PHF21A: variants seen among roughly 807,000 people sequenced by gnomAD.
The protein encoded by PHF21A is PHD finger protein 21A, also known as BHC80a.
PHF21A carries 11 observed loss-of-function variants against 82.5 expected under a neutral mutation model. The ratio of observed to expected loss-of-function variants is 0.13; its 90% CI spans 0.08 to 0.22. The LOEUF is 0.22. Among genes scored for constraint, PHF21A ranks in the 10% least tolerant of loss-of-function variants. PHF21A has a pLI of 1.00. For synonymous variants in PHF21A, 297 were observed against 302.8 expected (o/e 0.98, Z 0.20); for missense variants, 579 against 837.8 (o/e 0.69, Z 3.81).
chr11:45,934,496 G>A (rs909736817), intron 18 of PHF21A: 15 of 393,012 alleles, frequency 3.8e-5, no homozygotes, highest in Middle Eastern at 6.3e-4. Context: ...GAGTACTAAC[G>A]CTTAAAAACA....
intron 7 of PHF21A, among the ~76,000 whole-genome samples, chr11:45,976,644 C>A (rs1289223348): frequency 6.6e-6 from 1 of 152,116 alleles, no homozygotes; most frequent in Non-Finnish European, 1.5e-5. Flanking sequence ...GAGTTTGAGA[C>A]CAGCCTGGCA....
chr11:46,018,144 G>A (rs1379162347), intron 6 of PHF21A, among the ~76,000 whole-genome samples: 1 of 151,600 alleles, frequency 6.6e-6, no homozygotes, highest in Non-Finnish European at 1.5e-5. Context: ...CAGCTACTTG[G>A]GAGGCTGAGG....
intron 6 of PHF21A, among the ~76,000 whole-genome samples, chr11:46,012,845 T>A (rs894790780): frequency 1.3e-5 from 2 of 152,216 alleles, no homozygotes; most frequent in Non-Finnish European, 2.9e-5. Context: ...CTGGGATTTC[T>A]AAGCATGTTT....
intron 6 of PHF21A, among the ~76,000 whole-genome samples, chr11:46,044,659 A>G (rs2096226327): frequency 6.6e-6 from 1 of 152,182 alleles, no homozygotes; most frequent in South Asian, 2.1e-4. Flanking sequence ...TCACTCATAA[A>G]CATTCTCATT....
In PHF21A at chr11:45,938,693, C is replaced by T. The variant is rs575803435; in HGVS notation, c.1453-381G>A. On this transcript the variant is annotated intron_variant, in intron 15 of 18. Coordinates refer to ENST00000676320, the MANE Select transcript of PHF21A (RefSeq NM_001352027.3). ...GACTAAGAAAACAGAACAATTATAA[C>T]GATATACTGTAATAAAAGATGGGAA... Among the ~76,000 whole-genome samples, 31 of 152,224 alleles carry T rather than the reference C, an allele frequency of 2.0e-4. No individual in the cohort carries two copies. In the South Asian group the frequency reaches 4.1e-3, roughly 20 times the overall value.
In PHF21A at chr11:45,933,927, C is replaced by G; in HGVS notation, c.*41G>C. On this transcript the variant is annotated 3_prime_UTR_variant, in exon 19 of 19. Transcript: ENST00000676320. ...CTAGAGTCTTCAGTGTTCTGTTCTC[C>G]TTGCCGCCGGGATCCCGTGGCTTCT... 6.7e-7 allele frequency: 1 copy of G among 1,488,354 alleles called. No individual in the cohort carries two copies. 92.2% of individuals were successfully genotyped at this position (1,488,354 alleles called of 1,614,324 possible). A position where few individuals can be genotyped will look rare whatever the true frequency, so the allele number is the denominator to read the frequency against.
intron 10 of PHF21A, among the ~76,000 whole-genome samples, chr11:45,957,416 C>T (rs1345290786): frequency 1.3e-5 from 2 of 151,952 alleles, no homozygotes; most frequent in Non-Finnish European, 2.9e-5. Context: ...TTTAGAAAGA[C>T]TAGAATCACA....
intron 7 of PHF21A, among the ~76,000 whole-genome samples, chr11:45,972,030 T>A (rs1187867318): frequency 6.6e-6 from 1 of 151,328 alleles, no homozygotes; most frequent in East Asian, 1.9e-4. Context: ...AGCCAATGAG[T>A]ATATAGTAAA....
At chr11:46,064,845 C>T (rs1663814591) in intron 6 of PHF21A, among the ~76,000 whole-genome samples, 1 of 151,792 alleles carries the variant, frequency 6.6e-6, no homozygotes, top group Non-Finnish European at 1.5e-5. Flanking sequence ...ATGGATTTAC[C>T]CTTCTAATAA....
rs753842741 is a variant in PHF21A at position 45,945,864 on chromosome 11, G to A, written c.1428C>T (p.Ser476=). Residue 476 remains serine (S), a synonymous_variant, in exon 15 of 19, where the codon TCC becomes TCT. Transcript: ENST00000676320. ...FTFPAPVQPV[S]LPSPTSTDGD... ...CGTCTGTGGAGGTGGGGCTGGGCAG[G>A]GACACAGGCTGAACAGGTGCAGGGA... is the stretch of plus-strand genomic sequence containing the variant. 5.7e-6 allele frequency: 9 copies of A among 1,592,446 alleles called. No individual in the cohort carries two copies. The highest frequency in any genetic ancestry group is 5.6e-5 in the South Asian group (5 of 88,934).
At chr11:45,972,363 T>C (rs1030290875) in intron 7 of PHF21A, among the ~76,000 whole-genome samples, 1 of 152,186 alleles carries the variant, frequency 6.6e-6, no homozygotes, top group African/African-American at 2.4e-5. Context: ...AGATCAACAT[T>C]TCAGGAACAT....
chr11:46,116,347 G>C (rs1170952795), intron 1 of PHF21A, among the ~76,000 whole-genome samples: 1 of 152,106 alleles, frequency 6.6e-6, no homozygotes, highest in Non-Finnish European at 1.5e-5. Context: ...GAAAGCTTTA[G>C]GCAGTAAGAA....
intron 1 of PHF21A, among the ~76,000 whole-genome samples, chr11:46,106,265 C>T (rs1198158279): frequency 6.6e-6 from 1 of 152,120 alleles, no homozygotes; most frequent in Non-Finnish European, 1.5e-5. Flanking sequence ...TTTCTTTATA[C>T]CAAGTTGTCA....
At chr11:46,005,392 T>C (rs558088841) in intron 6 of PHF21A, among the ~76,000 whole-genome samples, 2 of 152,224 alleles carry the variant, frequency 1.3e-5, no homozygotes, top group Non-Finnish European at 2.9e-5. Context: ...TTGCACAATA[T>C]ATTAACGCCT....
intron 6 of PHF21A, among the ~76,000 whole-genome samples, chr11:46,023,036 C>G (rs1409759973): frequency 6.6e-6 from 1 of 152,174 alleles, no homozygotes; most frequent in Non-Finnish European, 1.5e-5. Flanking sequence ...TGGGCATGAG[C>G]CACCGCGCCC....
rs543704333 is a variant in PHF21A at position 46,086,123 on chromosome 11, CT to C, written c.-83-1822del. 1.6e-3 allele frequency among the ~76,000 whole-genome samples: 236 copies of C among 144,788 alleles called. 1 individual carries two copies. The highest frequency in any genetic ancestry group is 3.7e-3 in the Middle Eastern group (1 of 272). 95.0% of individuals were successfully genotyped at this position (144,788 alleles called of 152,430 possible). On this transcript the variant is annotated intron_variant, in intron 3 of 18. Transcript: ENST00000676320. ...AAATCTGGGTAGTTTTAGCTACTAT[CT>C]TTTTTTTTTTTTGAGAAAGAGTCTC...
intron 16 of PHF21A, chr11:45,936,834 T>C (rs2089186084): frequency 1.3e-5 from 5 of 387,118 alleles, no homozygotes. Context: ...ATTCCTATCT[T>C]TTCACACACG....
chr11:46,056,911 G>T (rs2096465363), intron 6 of PHF21A, among the ~76,000 whole-genome samples: 1 of 151,778 alleles, frequency 6.6e-6, no homozygotes, highest in South Asian at 2.1e-4. Flanking sequence ...GTGGGCTGAG[G>T]TACTTTTTGC....
chr11:46,035,907 A>T (rs1194006630), intron 6 of PHF21A, among the ~76,000 whole-genome samples: 1 of 152,222 alleles, frequency 6.6e-6, no homozygotes, highest in Non-Finnish European at 1.5e-5. Flanking sequence ...CCTAAGAGCA[A>T]AGAGAAGACA....
Sources: gnomAD v4.1 joint callset for allele counts (sites outside exome capture counted in the v4.1 genomes callset) on GRCh38, gnomAD v4.1.1 for gene constraint, MANE v1.5 for transcripts, NCBI Gene and HGNC (gene_info 2026-07-23, HGNC 2026-07-21) for gene names.